The following VPS28 variants were observed in gnomAD, a reference collection of about 807,000 sequenced individuals.
The protein encoded by VPS28 is vacuolar protein sorting-associated protein 28 homolog.
In VPS28, 29 loss-of-function variants were observed where a neutral mutation model predicts 33.7. The observed-to-expected ratio is 0.86, with a 90% CI of 0.64 to 1.17. The LOEUF is 1.17. Among genes scored for constraint, VPS28 ranks in the 50% most tolerant of loss-of-function variants. VPS28 has a pLI of 0.00. For synonymous variants in VPS28, 164 were observed against 116.7 expected, an observed-to-expected ratio of 1.40 and a Z score of -2.61; for missense variants, 247 against 312.2, an observed-to-expected ratio of 0.79 and a Z score of 1.57.
intron 5 of VPS28, chr8:144,425,264 G>A (rs936731931): frequency 3.4e-4 from 206 of 599,222 alleles, no homozygotes; most frequent in Middle Eastern, 1.3e-3. Flanking sequence ...TGGAGACCCC[G>A]GCCCCCAACC....
Position 144,424,034 on chromosome 8 carries a change from C to A in VPS28, c.548+7G>T. On this transcript the variant is annotated splice_region_variant and intron_variant, in intron 9 of 9. Transcript: ENST00000292510. ...CGGGGCTCTGCCTGGCTGGGAGGGA[C>A]ACCCACCACTGGCTGACCGTCTGGC... The A allele has an allele frequency of 6.3e-7, 1 of 1,590,040 alleles. No homozygotes were observed. The highest frequency in any genetic ancestry group is 8.6e-7 in the Non-Finnish European group (1 of 1,164,628).
chr8:144,425,322 C>T (rs996778344), intron 5 of VPS28: 104 of 580,284 alleles, frequency 1.8e-4, no homozygotes, highest in Non-Finnish European at 1.9e-4. Context: ...TTGTGATGGC[C>T]GCATCCACAG....
In VPS28 at chr8:144,426,906, C is replaced by T. The variant is rs1483468585; in HGVS notation, c.37+3G>A. 6.2e-7 allele frequency: 1 copy of T among 1,612,686 alleles called. No homozygotes were observed. The highest frequency in any genetic ancestry group is 8.5e-7 in the Non-Finnish European group (1 of 1,179,782). ...AAGCCTGCGCCCTTCCAGCCACACTCACCTCCTATGCCCGGCGTGGCTGGG... is the reference window on the plus strand; with the variant it reads ...AAGCCTGCGCCCTTCCAGCCACACTTACCTCCTATGCCCGGCGTGGCTGGG... On this transcript the variant is annotated splice_donor_region_variant and intron_variant, in intron 2 of 9. Coordinates refer to ENST00000292510, the MANE Select transcript of VPS28 (RefSeq NM_016208.4).
chr8:144,423,972 G>T, intron 9 of VPS28, 50 bp from the exon 10 acceptor site: 1 of 1,611,142 alleles, frequency 6.2e-7, no homozygotes, highest in Non-Finnish European at 8.5e-7. Context: ...CAGGGGCACT[G>T]CGGGGCTCCG....
In VPS28 at chr8:144,424,240, C is replaced by A. The variant is rs782460982; in HGVS notation, c.431G>T (p.Arg144Leu). The A allele has an allele frequency of 1.2e-6, 2 of 1,605,946 alleles. No homozygotes were observed. Among genetic ancestry groups the A allele is most frequent in the African/African-American group, 1.3e-5 (1 of 74,810 alleles). Residue 144 changes from arginine (R) to leucine (L), a missense_variant, in exon 8 of 10, where the codon CGT (arginine) becomes CTT (leucine). This residue lies in a region of VPS28 where 95 missense variants were observed against 118.3 expected (regional missense o/e 0.80). Coordinates refer to ENST00000292510, the MANE Select transcript of VPS28 (RefSeq NM_016208.4). The part of the protein sequence containing the change: ...SLFITVMDKL[R>L]LEIRAMDEIQ... ...CTCATCCATGGCGCGGATCTCCAGA[C>A]GCAGCTTGTCCATGACCGTGATGAA...
intron 1 of VPS28, among the ~76,000 whole-genome samples, chr8:144,427,955 G>A (rs1475476197): frequency 6.6e-6 from 1 of 152,240 alleles, no homozygotes; most frequent in Non-Finnish European, 1.5e-5. Context: ...GAAGCTCTCG[G>A]TGGAGAGGCC....
chr8:144,423,964 G>C (rs1554875871), intron 9 of VPS28, 42 bp from the exon 10 acceptor site: 2 of 1,611,394 alleles, frequency 1.2e-6, no homozygotes, highest in East Asian at 4.5e-5. Context: ...GAGGGCCTCA[G>C]GGGCACTGCG....
Position 144,423,868 on chromosome 8 carries a change from C to T in VPS28, c.603G>A (p.Val201=). Residue 201 remains valine (V), a synonymous_variant, in exon 10 of 10, where the codon GTG becomes GTA. Coordinates refer to ENST00000292510, the MANE Select transcript of VPS28 (RefSeq NM_016208.4). ...SASDELDDSQ[V]RQMLFDLESA... is the part of the protein sequence containing the mutation. The stretch of plus-strand genomic sequence containing the variant: ...ACTCCAGGTCGAACAGCATCTGACG[C>T]ACCTGTGAGTCGTCCAGCTCATCTG... 2 of 1,613,134 alleles carry T rather than the reference C, an allele frequency of 1.2e-6. No individual in the cohort carries two copies. Among genetic ancestry groups the T allele is most frequent in the Non-Finnish European group, 1.7e-6 (2 of 1,180,034 alleles).
chr8:144,427,525 G>A (rs1822859831), intron 1 of VPS28, among the ~76,000 whole-genome samples: 1 of 152,176 alleles, frequency 6.6e-6, no homozygotes, highest in African/African-American at 2.4e-5. Flanking sequence ...GGGAGGTTAT[G>A]AGGGCGGCAG....
chr8:144,427,879 G>T (rs898818588), intron 1 of VPS28, among the ~76,000 whole-genome samples: 2 of 152,188 alleles, frequency 1.3e-5, no homozygotes, highest in African/African-American at 4.8e-5. Flanking sequence ...TTGGCCCAAT[G>T]GGCCGGGCAG....
chr8:144,426,866 T>A, intron 2 of VPS28, 43 bp downstream of exon 2: 1 of 1,609,346 alleles, frequency 6.2e-7, no homozygotes, highest in Non-Finnish European at 8.5e-7. Flanking sequence ...CGTCAGCCCC[T>A]GCAGAAGCGG....
In VPS28 at chr8:144,426,112, G is replaced by A. The variant is rs200016592; in HGVS notation, c.67-49C>T. The stretch of plus-strand genomic sequence containing the variant: ...GGGCCAGTGCCAACAGGGGCTGCAG[G>A]ACCCTGGTGAGGCCACACAGGCATT... On this transcript the variant is annotated intron_variant, in intron 3 of 9. Coordinates refer to ENST00000292510, the MANE Select transcript of VPS28 (RefSeq NM_016208.4). The A allele has an allele frequency of 3.4e-4, 533 of 1,569,218 alleles. 4 individuals carry two copies. The African/African-American group carries it at 6.5e-3, about 19-fold the overall frequency.
chr8:144,427,586 A>G lies in VPS28; in HGVS notation c.-34-607T>C, dbSNP rs914621966. On this transcript the variant is annotated intron_variant, in intron 1 of 9. Transcript: ENST00000292510. ...GAGTTTGGGGCACAGGAAACAACAC[A>G]CTTAACAGCCCGCCTTTAAGTAGGC... Among the ~76,000 whole-genome samples, 46 of 152,160 alleles carry G rather than the reference A, an allele frequency of 3.0e-4. 1 individual carries two copies. The highest frequency in any genetic ancestry group is 2.0e-4 in the Admixed American group (3 of 15,272).
chr8:144,426,068 C>T lies in VPS28; in HGVS notation c.67-5G>A, dbSNP rs781961121. On this transcript the variant is annotated splice_region_variant and splice_polypyrimidine_tract_variant and intron_variant, in intron 3 of 9. Coordinates refer to ENST00000292510, the MANE Select transcript of VPS28 (RefSeq NM_016208.4). ...GTTCTTGTACAACTTCACTTCCTGC[C>T]GGAGAGAGCGGGCTCTGTGGGCCAG... is the stretch of plus-strand genomic sequence containing the variant. 1.2e-5 allele frequency: 19 copies of T among 1,544,618 alleles called. No homozygotes were observed. Among genetic ancestry groups the T allele is most frequent in the South Asian group, 8.3e-5 (7 of 84,174 alleles).
At chr8:144,425,306 C>T in intron 5 of VPS28, 3 of 587,492 alleles carry the variant, frequency 5.1e-6, no homozygotes, top group South Asian at 2.0e-5. Flanking sequence ...AGCGACCAGC[C>T]CTCTGTTGTG....
Position 144,423,708 on chromosome 8 carries a change from T to TGCA in VPS28, c.*96_*97insTGC. On this transcript the variant is annotated 3_prime_UTR_variant, in exon 10 of 10. Transcript: ENST00000292510. Reference sequence around the variant, plus strand: ...ACACCAGACAGGCAGCTGCAGACAGTGAGTTGTGTGGATGACCACGGCCTG... The same window carrying TGCA: ...ACACCAGACAGGCAGCTGCAGACAGTGCAGAGTTGTGTGGATGACCACGGCCTG... 1.4e-6 allele frequency: 2 copies of TGCA among 1,467,430 alleles called. No individual in the cohort carries two copies. The highest frequency in any genetic ancestry group is 1.9e-6 in the Non-Finnish European group (2 of 1,063,590). The allele number at this position is 1,467,430 out of a possible 1,614,324, so 90.9% of individuals were successfully genotyped here.
intron 1 of VPS28, among the ~76,000 whole-genome samples, chr8:144,427,715 A>C (rs1822878841): frequency 2.0e-5 from 3 of 152,164 alleles, no homozygotes; most frequent in Non-Finnish European, 4.4e-5. Context: ...CGAGCTGTGG[A>C]GAAACAATGG....
Position 144,424,288 on chromosome 8 carries a change from T to G in VPS28, c.403-20A>C, listed in dbSNP as rs782042684. The G allele has an allele frequency of 8.2e-6, 13 of 1,580,232 alleles. No homozygotes were observed. Among genetic ancestry groups the G allele is most frequent in the Middle Eastern group, 2.1e-4 (1 of 4,808 alleles). On this transcript the variant is annotated intron_variant, in intron 7 of 9. Transcript: ENST00000292510. Reference sequence around the variant, plus strand: ...GAAGAGCTGGGGGCAGGTGTGCACATGAGGCTCGCGTGTCCACGGGTGCGG... The same window carrying G: ...GAAGAGCTGGGGGCAGGTGTGCACAGGAGGCTCGCGTGTCCACGGGTGCGG...
rs782061695 is a variant in VPS28 at position 144,425,061 on chromosome 8, G to C, written c.195-10C>G. The C allele has an allele frequency of 1.2e-5, 18 of 1,550,614 alleles. No homozygotes were observed. The highest frequency in any genetic ancestry group is 1.5e-5 in the Non-Finnish European group (17 of 1,146,454). ...GCAGGCTGCAGTGTACCTAGGGAGAGGTCAGCTGCTGCCCAAGCATGGGAC... is the reference window on the plus strand; with the variant it reads ...GCAGGCTGCAGTGTACCTAGGGAGACGTCAGCTGCTGCCCAAGCATGGGAC... On this transcript the variant is annotated splice_polypyrimidine_tract_variant and intron_variant, in intron 5 of 9. Transcript: ENST00000292510.
Sources: allele counts gnomAD v4.1 joint callset (sites outside exome capture counted in the v4.1 genomes callset), GRCh38; gene constraint gnomAD v4.1.1; regional missense constraint gnomAD v4.1.1; transcripts MANE v1.5; gene names NCBI Gene and HGNC (gene_info 2026-07-23, HGNC 2026-07-21).